Variants in CNTNAP2 observed in about 807,000 individuals in gnomAD.
The protein encoded by CNTNAP2 is contactin-associated protein-like 2.
Under a neutral mutation model 155.2 loss-of-function variants are expected in CNTNAP2, and 98 were observed. That is an observed-to-expected ratio of 0.63 (90% CI 0.54 to 0.75). The LOEUF is 0.75. CNTNAP2 is among the 30% of genes least tolerant of loss of function. CNTNAP2 has a pLI of 0.00. For missense variants in CNTNAP2, 1,727 were observed against 1,688.1 expected, an observed-to-expected ratio of 1.02 and a Z score of -0.40; for synonymous variants, 651 against 631.2, an observed-to-expected ratio of 1.03 and a Z score of -0.47.
intron 15 of CNTNAP2, among the ~76,000 whole-genome samples, chr7:147,996,383 G>A (rs1329843719): frequency 6.6e-6 from 1 of 152,170 alleles, no homozygotes; most frequent in Non-Finnish European, 1.5e-5. Flanking sequence ...CCAGTAACCT[G>A]TTTTTAAGAA....
intron 18 of CNTNAP2, among the ~76,000 whole-genome samples, chr7:148,175,463 T>G (rs755371133): frequency 6.6e-6 from 1 of 152,174 alleles, no homozygotes; most frequent in Non-Finnish European, 1.5e-5. Flanking sequence ...GAAAATTTTA[T>G]GTAATTATAT....
intron 13 of CNTNAP2, chr7:147,673,244 T>C (rs1795817008): frequency 6.6e-6 from 1 of 152,192 alleles, no homozygotes; most frequent in African/African-American, 2.4e-5. Context: ...TGCAGTTCAG[T>C]TGTTGGTATT....
At chr7:147,322,236 C>T (rs1172846848) in intron 9 of CNTNAP2, among the ~76,000 whole-genome samples, 5 of 152,174 alleles carry the variant, frequency 3.3e-5, no homozygotes, top group Admixed American at 1.3e-4. Flanking sequence ...ATTAATGTGG[C>T]CACATATAGT....
intron 15 of CNTNAP2, among the ~76,000 whole-genome samples, chr7:148,098,471 C>CAAAAAAAAA (rs1804020778): frequency 1.4e-5 from 1 of 71,136 alleles, no homozygotes; most frequent in African/African-American, 5.3e-5. Flanking sequence ...AAAAAAAAAG[C>CAAAAAAAAA]ATGCTTGTGT....
chr7:147,909,672 A>C (rs973613582), intron 14 of CNTNAP2, among the ~76,000 whole-genome samples: 1 of 152,232 alleles, frequency 6.6e-6, no homozygotes, highest in Non-Finnish European at 1.5e-5. Flanking sequence ...CTAAGTGGCC[A>C]CTGCTGGGTA....
intron 14 of CNTNAP2, among the ~76,000 whole-genome samples, chr7:147,963,944 A>G (rs996969595): frequency 6.6e-6 from 1 of 152,154 alleles, no homozygotes; most frequent in Non-Finnish European, 1.5e-5. Flanking sequence ...AAAACATTAT[A>G]TATAACCATT....
intron 1 of CNTNAP2, among the ~76,000 whole-genome samples, chr7:146,442,303 G>C (rs936626426): frequency 9.2e-5 from 14 of 151,462 alleles, no homozygotes; most frequent in Non-Finnish European, 1.8e-4. Context: ...TTGAATGTTT[G>C]CACTTTCTTT....
At chr7:147,727,485 T>A (rs2116459871) in intron 13 of CNTNAP2, among the ~76,000 whole-genome samples, 1 of 152,196 alleles carries the variant, frequency 6.6e-6, no homozygotes, top group East Asian at 1.9e-4. Context: ...CACATTTAAT[T>A]ATCTTACTGT....
chr7:148,146,970 A>G (rs1805194370), intron 16 of CNTNAP2, among the ~76,000 whole-genome samples: 1 of 152,204 alleles, frequency 6.6e-6, no homozygotes, highest in South Asian at 2.1e-4. Context: ...TTTTTAAAAT[A>G]CCAGTGCCAA....
At chr7:146,670,821 C>A (rs1322923763) in intron 1 of CNTNAP2, among the ~76,000 whole-genome samples, 1 of 152,188 alleles carries the variant, frequency 6.6e-6, no homozygotes, top group Non-Finnish European at 1.5e-5. Flanking sequence ...CACTCCCACA[C>A]TGGCAACTGA....
chr7:148,340,011 A>G (rs868154335), intron 21 of CNTNAP2, among the ~76,000 whole-genome samples: 12 of 81,782 alleles, frequency 1.5e-4, no homozygotes, highest in East Asian at 5.4e-4. Context: ...GTGTGTGTGT[A>G]GGCAAAGCTG....
chr7:146,412,695 G>A (rs1584913522), intron 1 of CNTNAP2, among the ~76,000 whole-genome samples: 1 of 152,176 alleles, frequency 6.6e-6, no homozygotes, highest in Admixed American at 6.5e-5. Flanking sequence ...AGGCGGAGCT[G>A]TAAGTCGCTG....
chr7:146,771,889 A>C (rs1183583600), intron 1 of CNTNAP2, among the ~76,000 whole-genome samples: 1 of 152,176 alleles, frequency 6.6e-6, no homozygotes, highest in African/African-American at 2.4e-5. Context: ...CTGTTTTATT[A>C]AACAGAGTTC....
chr7:148,381,986 ATCC>A (rs1258433623), intron 21 of CNTNAP2, among the ~76,000 whole-genome samples: 6 of 152,228 alleles, frequency 3.9e-5, no homozygotes, highest in Non-Finnish European at 5.9e-5. Flanking sequence ...GGGCATCAGA[ATCC>A]TCCTTTTTGT....
At chr7:146,412,128 C>A (rs752202456) in intron 1 of CNTNAP2, among the ~76,000 whole-genome samples, 1 of 152,168 alleles carries the variant, frequency 6.6e-6, no homozygotes, top group South Asian at 2.1e-4. Context: ...CCACCGCGCC[C>A]GGCCAACATT....
chr7:147,174,345 A>G (rs1802291941), intron 8 of CNTNAP2, among the ~76,000 whole-genome samples: 1 of 152,174 alleles, frequency 6.6e-6, no homozygotes, highest in Non-Finnish European at 1.5e-5. Context: ...TTATCCAGGT[A>G]TCCATTCTTT....
chr7:146,450,774 C>A (rs1329359274), intron 1 of CNTNAP2, among the ~76,000 whole-genome samples: 1 of 151,916 alleles, frequency 6.6e-6, no homozygotes, highest in African/African-American at 2.4e-5. Context: ...AATTTTTTTC[C>A]TCTTGGAAAA....
chr7:146,433,255 A>G (rs928828069), intron 1 of CNTNAP2, among the ~76,000 whole-genome samples: 2 of 152,146 alleles, frequency 1.3e-5, no homozygotes, highest in Non-Finnish European at 2.9e-5. Flanking sequence ...AATCAAATTA[A>G]TAATTCAAAA....
chr7:147,308,261 A>G (rs969541024), intron 9 of CNTNAP2, among the ~76,000 whole-genome samples: 2 of 152,132 alleles, frequency 1.3e-5, no homozygotes, highest in Non-Finnish European at 2.9e-5. Flanking sequence ...AGAAAAGGTG[A>G]GGTTGGATTG....
Sources: allele counts gnomAD v4.1 joint callset (sites outside exome capture counted in the v4.1 genomes callset), GRCh38; gene constraint gnomAD v4.1.1; transcripts MANE v1.5; gene names NCBI Gene and HGNC (gene_info 2026-07-23, HGNC 2026-07-21).